Variants in STXBP5L observed in about 807,000 individuals in gnomAD.
STXBP5L encodes the protein syntaxin-binding protein 5-like.
A neutral mutation model predicts 144.5 loss-of-function variants in STXBP5L; 65 were observed. The ratio of observed to expected loss-of-function variants is 0.45; its 90% confidence interval spans 0.37 to 0.55. The LOEUF (loss-of-function observed/expected upper bound fraction) is 0.55, where lower values mean the gene tolerates loss of function less well. STXBP5L is among the 20% of genes least tolerant of loss of function. STXBP5L has a pLI of 0.00. For synonymous variants in STXBP5L, 505 were observed against 469.6 expected (o/e 1.08, Z -0.97); for missense variants, 1,298 against 1,405.5 (o/e 0.92, Z 1.22).
chr3:121,409,754 T>C (rs531068267), intron 23 of STXBP5L, among the ~76,000 whole-genome samples: 2 of 152,122 alleles, frequency 1.3e-5, no homozygotes, highest in East Asian at 3.9e-4. Context: ...ATATTGACTA[T>C]GGCTGCTTTT....
intron 20 of STXBP5L, among the ~76,000 whole-genome samples, chr3:121,322,402 C>G (rs901043942): frequency 1.3e-5 from 2 of 148,656 alleles, no homozygotes; most frequent in African/African-American, 5.0e-5. Context: ...CACTTGAACC[C>G]AAGAGGCGGA....
Position 121,415,916 on chromosome 3 carries a change from T to C in STXBP5L, c.3174T>C (p.Phe1058=). Residue 1058 remains phenylalanine (F), a synonymous_variant, in exon 25 of 27, where the codon TTT becomes TTC. Coordinates refer to ENST00000471454, the MANE Select transcript of STXBP5L (RefSeq NM_001308330.2). ...CACCAGAAGCTCAAAACAGAGGCTT[T>C]CTCAAGGGACTGTTTGGTGGAAGCG... ...IETPEAQNRG[F]LKGLFGGSGQ... 6.2e-7 allele frequency: 1 copy of C among 1,613,624 alleles called. No homozygotes were observed. The highest frequency in any genetic ancestry group is 8.5e-7 in the Non-Finnish European group (1 of 1,179,700).
intron 25 of STXBP5L, among the ~76,000 whole-genome samples, chr3:121,417,439 C>T (rs2047263891): frequency 6.6e-6 from 1 of 151,446 alleles, no homozygotes; most frequent in Non-Finnish European, 1.5e-5. Context: ...AAATTTCTGC[C>T]AAAATAGCTG....
chr3:121,213,906 G>A (rs529150519), intron 10 of STXBP5L, among the ~76,000 whole-genome samples: 2 of 151,964 alleles, frequency 1.3e-5, no homozygotes, highest in South Asian at 2.1e-4. Flanking sequence ...TTTGTTCAGG[G>A]ATTTGAGTTT....
At chr3:121,411,046 A>G (rs991503711) in intron 23 of STXBP5L, among the ~76,000 whole-genome samples, 2 of 152,128 alleles carry the variant, frequency 1.3e-5, no homozygotes, top group Non-Finnish European at 2.9e-5. Context: ...GTTTGGACTC[A>G]TATCTTAAGG....
At chr3:120,966,100 A>T (rs1433114987) in intron 3 of STXBP5L, among the ~76,000 whole-genome samples, 2 of 152,148 alleles carry the variant, frequency 1.3e-5, no homozygotes, top group Non-Finnish European at 2.9e-5. Context: ...TGCGTCACAA[A>T]GTTCTTGTGC....
intron 3 of STXBP5L, among the ~76,000 whole-genome samples, chr3:120,974,021 T>C (rs1419501368): frequency 6.6e-6 from 1 of 152,190 alleles, no homozygotes; most frequent in Non-Finnish European, 1.5e-5. Context: ...TGTGTCTTTA[T>C]AGCAGCATGA....
intron 3 of STXBP5L, among the ~76,000 whole-genome samples, chr3:121,019,234 A>T (rs1411226044): frequency 6.6e-6 from 1 of 152,088 alleles, no homozygotes; most frequent in Non-Finnish European, 1.5e-5. Flanking sequence ...GCCCAAGGAG[A>T]GTCTGAGCTC....
chr3:121,359,320 G>A (rs2045629971), intron 20 of STXBP5L, among the ~76,000 whole-genome samples: 1 of 151,962 alleles, frequency 6.6e-6, no homozygotes, highest in Non-Finnish European at 1.5e-5. Flanking sequence ...TTTTCATATA[G>A]AGTTGTTTTG....
At chr3:120,930,261 C>T (rs1050066707) in intron 2 of STXBP5L, among the ~76,000 whole-genome samples, 2 of 150,706 alleles carry the variant, frequency 1.3e-5, no homozygotes, top group Non-Finnish European at 3.0e-5. Context: ...AATACAAAGT[C>T]TTATCTACAT....
chr3:121,023,652 G>A (rs1945719261), intron 3 of STXBP5L, among the ~76,000 whole-genome samples: 1 of 152,286 alleles, frequency 6.6e-6, no homozygotes, highest in South Asian at 2.1e-4. Context: ...TTAACAAATG[G>A]TGCTGGGATA....
chr3:121,368,767 G>C (rs2045940717), intron 20 of STXBP5L, among the ~76,000 whole-genome samples: 1 of 152,024 alleles, frequency 6.6e-6, no homozygotes, highest in Non-Finnish European at 1.5e-5. Context: ...CTGGATATGT[G>C]TGGTCATTTT....
intron 5 of STXBP5L, among the ~76,000 whole-genome samples, chr3:121,058,790 G>T (rs1412896428): frequency 6.6e-6 from 1 of 152,072 alleles, no homozygotes; most frequent in Non-Finnish European, 1.5e-5. Flanking sequence ...AGGAGTGTCT[G>T]TTCATATCCT....
chr3:120,998,797 A>G (rs1377912221), intron 3 of STXBP5L, among the ~76,000 whole-genome samples: 1 of 152,208 alleles, frequency 6.6e-6, no homozygotes, highest in Admixed American at 6.5e-5. Context: ...AAATCTAGGA[A>G]TGCAGCTAAC....
At chr3:120,998,029 A>G (rs1466078548) in intron 3 of STXBP5L, among the ~76,000 whole-genome samples, 1 of 152,216 alleles carries the variant, frequency 6.6e-6, no homozygotes, top group African/African-American at 2.4e-5. Flanking sequence ...ATACAATTCA[A>G]GATCCCTTCA....
intron 9 of STXBP5L, among the ~76,000 whole-genome samples, chr3:121,200,695 A>C (rs1167808673): frequency 2.6e-5 from 4 of 151,924 alleles, no homozygotes; most frequent in Non-Finnish European, 5.9e-5. Context: ...CTTTGTTCTC[A>C]TTGGTTTCAA....
At chr3:121,204,138 C>A (rs1307816130) in intron 9 of STXBP5L, among the ~76,000 whole-genome samples, 1 of 152,060 alleles carries the variant, frequency 6.6e-6, no homozygotes, top group African/African-American at 2.4e-5. Flanking sequence ...ACTCGGGAGG[C>A]TGAGGCAGGA....
intron 7 of STXBP5L, among the ~76,000 whole-genome samples, chr3:121,126,387 C>T (rs2107872593): frequency 6.6e-6 from 1 of 152,242 alleles, no homozygotes; most frequent in Non-Finnish European, 1.5e-5. Context: ...CAACTCCTGT[C>T]CTAGTCTGTA....
At chr3:121,077,841 C>A (rs1027133030) in intron 5 of STXBP5L, among the ~76,000 whole-genome samples, 2 of 152,304 alleles carry the variant, frequency 1.3e-5, no homozygotes, top group African/African-American at 2.4e-5. Context: ...GGTGCATTCA[C>A]AAACCCTGAG....
Sources: gnomAD v4.1 joint callset for allele counts (sites outside exome capture counted in the v4.1 genomes callset) on GRCh38, gnomAD v4.1.1 for gene constraint, MANE v1.5 for transcripts, NCBI Gene and HGNC (gene_info 2026-07-23, HGNC 2026-07-21) for gene names.